The following PPP4R1 variants were observed in gnomAD, a reference collection of about 807,000 sequenced individuals.
PPP4R1 encodes the protein serine/threonine-protein phosphatase 4 regulatory subunit 1.
A neutral mutation model predicts 111.2 loss-of-function variants in PPP4R1; 42 were observed. The ratio of observed to expected loss-of-function variants is 0.38; its 90% CI spans 0.29 to 0.49. PPP4R1 has a LOEUF of 0.49. Among genes scored for constraint, PPP4R1 ranks in the 20% least tolerant of loss-of-function variants. PPP4R1 has a pLI of 0.97. For missense variants in PPP4R1, 1,012 were observed against 1,161.6 expected, an observed-to-expected ratio of 0.87 and a Z score of 1.87; for synonymous variants, 409 against 405.5, an observed-to-expected ratio of 1.01 and a Z score of -0.10.
chr18:9,564,507 T>C (rs1230349775), intron 11 of PPP4R1, among the ~76,000 whole-genome samples: 1 of 152,214 alleles, frequency 6.6e-6, no homozygotes, highest in Admixed American at 6.5e-5. Context: ...AAATTGAACA[T>C]ATTCACTCAC....
At chr18:9,554,737 T>C (rs2066543826) in intron 15 of PPP4R1, among the ~76,000 whole-genome samples, 2 of 152,168 alleles carry the variant, frequency 1.3e-5, no homozygotes, top group South Asian at 4.1e-4. Flanking sequence ...CTTGGAGAAA[T>C]AGCTGACTCC....
chr18:9,558,911 G>C (rs569811672), intron 14 of PPP4R1, among the ~76,000 whole-genome samples: 16 of 152,182 alleles, frequency 1.1e-4, no homozygotes, highest in Admixed American at 4.6e-4. Context: ...AAGGGGTTGG[G>C]GGTGGTGTGT....
chr18:9,605,952 T>C lies in PPP4R1; in HGVS notation c.52+8274A>G, dbSNP rs542997822. ...CATTGTGTGTGTGTACATAACTGTATAGAGAAGTAACGAGCAAACTGGCAA... is the reference window on the plus strand; with the variant it reads ...CATTGTGTGTGTGTACATAACTGTACAGAGAAGTAACGAGCAAACTGGCAA... On this transcript the variant is annotated intron_variant, in intron 2 of 19. Coordinates refer to ENST00000400556, the MANE Select transcript of PPP4R1 (RefSeq NM_001042388.3). Among the ~76,000 whole-genome samples, 6 of 152,312 alleles carry C rather than the reference T, an allele frequency of 3.9e-5. No individual in the cohort carries two copies. In the South Asian group the frequency reaches 6.2e-4, roughly 16 times the overall value.
intron 16 of PPP4R1, among the ~76,000 whole-genome samples, chr18:9,552,541 A>G (rs1347561003): frequency 6.6e-6 from 1 of 152,236 alleles, no homozygotes; most frequent in African/African-American, 2.4e-5. Flanking sequence ...GGAGACAGAG[A>G]AACTGGAACT....
At chr18:9,569,651 C>T (rs1374224274) in intron 11 of PPP4R1, among the ~76,000 whole-genome samples, 1 of 152,062 alleles carries the variant, frequency 6.6e-6, no homozygotes, top group Non-Finnish European at 1.5e-5. Context: ...TCCTGAAAAT[C>T]AGATTAATTG....
intron 13 of PPP4R1, among the ~76,000 whole-genome samples, chr18:9,560,561 G>C (rs1295346732): frequency 6.6e-6 from 1 of 152,000 alleles, no homozygotes; most frequent in African/African-American, 2.4e-5. Context: ...CTACATAAAC[G>C]AATTATCCAT....
intron 19 of PPP4R1, 78 bp downstream of exon 19, chr18:9,549,119 T>C (rs904617177): frequency 2.6e-5 from 39 of 1,508,996 alleles, no homozygotes; most frequent in African/African-American, 4.1e-5. Flanking sequence ...TACTTCTGCT[T>C]TGATATCTGC....
At chr18:9,572,801 T>C (rs537081943) in intron 10 of PPP4R1, among the ~76,000 whole-genome samples, 1 of 152,372 alleles carries the variant, frequency 6.6e-6, no homozygotes. Flanking sequence ...AAAACATACG[T>C]AAGTCATCTG....
intron 2 of PPP4R1, among the ~76,000 whole-genome samples, chr18:9,607,527 G>A (rs1163635977): frequency 6.6e-6 from 1 of 152,128 alleles, no homozygotes; most frequent in African/African-American, 2.4e-5. Context: ...AGCAAAAGAT[G>A]TGAAAAGGCA....
intron 2 of PPP4R1, among the ~76,000 whole-genome samples, chr18:9,610,007 G>A (rs1357292579): frequency 6.6e-6 from 1 of 152,162 alleles, no homozygotes; most frequent in East Asian, 1.9e-4. Context: ...GTGTATGAAA[G>A]GCACTGTAAA....
chr18:9,561,914 A>C (rs1598900920), intron 13 of PPP4R1, 66 bp downstream of exon 13: 1 of 1,330,202 alleles, frequency 7.5e-7, no homozygotes, highest in East Asian at 2.3e-5. Flanking sequence ...AAATTAGGTC[A>C]GAAATGGGCT....
At chr18:9,612,903 A>G (rs975464697) in intron 2 of PPP4R1, among the ~76,000 whole-genome samples, 1 of 152,238 alleles carries the variant, frequency 6.6e-6, no homozygotes, top group Admixed American at 6.5e-5. Flanking sequence ...TTTACTTTAA[A>G]GATAAATTAC....
chr18:9,547,880 C>G lies in PPP4R1; in HGVS notation c.2762G>C (p.Arg921Pro). ...TGCAAAATACTTGACATCGCTGTCA[C>G]GGTCCATCTGAAGAGCCATGATGGT... is the stretch of plus-strand genomic sequence containing the variant. ...EQTIMALQMD[R>P]DSDVKYFASI... The change falls in exon 20 of 20, where the codon CGT (arginine) becomes CCT (proline). Residue 921 changes from arginine (R) to proline (P), a missense_variant. This residue lies in a region of PPP4R1 where 305 missense variants were observed against 419.5 expected (regional missense o/e 0.73). Coordinates refer to ENST00000400556, the MANE Select transcript of PPP4R1 (RefSeq NM_001042388.3). 6.2e-7 allele frequency: 1 copy of G among 1,613,926 alleles called. No homozygotes were observed. Among genetic ancestry groups the G allele is most frequent in the Non-Finnish European group, 8.5e-7 (1 of 1,180,022 alleles).
intron 2 of PPP4R1, among the ~76,000 whole-genome samples, chr18:9,609,052 G>GTCTCTC (rs113826727): frequency 1.3e-5 from 2 of 151,186 alleles, no homozygotes; most frequent in African/African-American, 2.4e-5. Context: ...TTTTCTCTCT[G>GTCTCTC]TCTCTCTCTC....
At position 9,577,179 on chromosome 18, in the gene PPP4R1, C is replaced by A; in HGVS notation, c.931G>T (p.Ala311Ser). 5 of 1,605,702 alleles carry A rather than the reference C, an allele frequency of 3.1e-6. No individual in the cohort carries two copies. Among genetic ancestry groups the A allele is most frequent in the Non-Finnish European group, 4.2e-6 (5 of 1,177,456 alleles). Residue 311 changes from alanine (A) to serine (S), a missense_variant, in exon 10 of 20, where the codon GCT becomes TCT. Physicochemically the swap from Ala to Ser is moderately conservative, Grantham distance 99 (BLOSUM62 1). Transcript: ENST00000400556. ...ATGAAAGGTCCCAGAGACTGAAAAGCTGCTTGGCGAACCTAGGAAGATAAA... is the reference window on the plus strand; with the variant it reads ...ATGAAAGGTCCCAGAGACTGAAAAGATGCTTGGCGAACCTAGGAAGATAAA... ...SDPSRWVRQA[A>S]FQSLGPFIST...
intron 2 of PPP4R1, among the ~76,000 whole-genome samples, chr18:9,601,306 T>C (rs1182079880): frequency 6.6e-6 from 1 of 151,494 alleles, no homozygotes; most frequent in Non-Finnish European, 1.5e-5. Flanking sequence ...GTAGATCACT[T>C]AGAGGTTAGG....
intron 11 of PPP4R1, among the ~76,000 whole-genome samples, chr18:9,564,378 T>A (rs547220590): frequency 1.3e-5 from 2 of 152,340 alleles, no homozygotes; most frequent in Non-Finnish European, 2.9e-5. Flanking sequence ...AGATAATCTA[T>A]TATGCTGCAG....
In PPP4R1 at chr18:9,561,902, G is replaced by A. The variant is rs2066683817; in HGVS notation, c.1842+78C>T. On this transcript the variant is annotated intron_variant, in intron 13 of 19. Coordinates refer to ENST00000400556, the MANE Select transcript of PPP4R1 (RefSeq NM_001042388.3). ...TTAGAACACTCATCATAAAGAAGGG[G>A]CAAATTAGGTCAGAAATGGGCTCTA... 5 of 1,174,764 alleles carry A rather than the reference G, an allele frequency of 4.3e-6. No homozygotes were observed. In the Admixed American group the frequency reaches 7.1e-5, roughly 17 times the overall value. 72.8% of individuals were successfully genotyped at this position (1,174,764 alleles called of 1,614,324 possible). A position where few individuals can be genotyped will look rare whatever the true frequency, so the allele number is the denominator to read the frequency against.
chr18:9,612,013 C>CAAA (rs34046569), intron 2 of PPP4R1, among the ~76,000 whole-genome samples: 1 of 145,720 alleles, frequency 6.9e-6, no homozygotes, highest in Non-Finnish European at 1.5e-5. Context: ...AACTCCATCT[C>CAAA]AAAAAAAAAA....
Sources: gnomAD v4.1 joint callset for allele counts (sites outside exome capture counted in the v4.1 genomes callset) on GRCh38, gnomAD v4.1.1 for gene constraint, gnomAD v4.1.1 regional missense constraint, MANE v1.5 for transcripts, NCBI Gene and HGNC (gene_info 2026-07-23, HGNC 2026-07-21) for gene names.